Variants in ZBTB20 observed in about 807,000 individuals in gnomAD.
ZBTB20 encodes zinc finger and BTB domain-containing protein 20.
In ZBTB20, 9 loss-of-function variants were observed where a neutral mutation model predicts 56.9. The observed-to-expected ratio is 0.16, with a 90% confidence interval of 0.10 to 0.28. The LOEUF is 0.28. Ranked by LOEUF, ZBTB20 falls within the 10% of genes least tolerant of loss-of-function variation. ZBTB20 has a pLI of 1.00. For synonymous variants in ZBTB20, 417 were observed against 420.7 expected (o/e 0.99, Z 0.11); for missense variants, 655 against 1,003.0 (o/e 0.65, Z 4.69).
At chr3:114,565,915 G>C (rs571553320) in intron 6 of ZBTB20, among the ~76,000 whole-genome samples, 1 of 152,092 alleles carries the variant, frequency 6.6e-6, no homozygotes, top group South Asian at 2.1e-4. Context: ...CTCTTACAGG[G>C]AGCAAATGGA....
At chr3:114,442,680 C>G (rs1326533649) in intron 7 of ZBTB20, among the ~76,000 whole-genome samples, 2 of 152,168 alleles carry the variant, frequency 1.3e-5, no homozygotes, top group Non-Finnish European at 2.9e-5. Context: ...TGAGCACACC[C>G]TGCTGTCAGT....
chr3:114,713,445 A>G (rs1223522125), intron 5 of ZBTB20, among the ~76,000 whole-genome samples: 1 of 152,214 alleles, frequency 6.6e-6, no homozygotes, highest in Non-Finnish European at 1.5e-5. Flanking sequence ...GTAAGGCAAG[A>G]TCTACAGAAC....
chr3:114,901,335 C>T (rs374772207), intron 3 of ZBTB20, among the ~76,000 whole-genome samples: 12 of 152,104 alleles, frequency 7.9e-5, no homozygotes, highest in Admixed American at 3.3e-4. Context: ...TGAGCACAGT[C>T]GATTACAGCA....
chr3:114,577,580 T>G (rs1415778980), intron 6 of ZBTB20, among the ~76,000 whole-genome samples: 1 of 152,180 alleles, frequency 6.6e-6, no homozygotes, highest in Non-Finnish European at 1.5e-5. Flanking sequence ...CCTGCTGAAA[T>G]CTGGATCTAG....
In ZBTB20 at chr3:115,076,053, A is replaced by T. The variant is rs140910820; in HGVS notation, c.-702-4639T>A. Among the ~76,000 whole-genome samples the T allele has an allele frequency of 3.6e-4, 55 of 152,300 alleles. No individual in the cohort carries two copies. The East Asian group carries it at 0.011, about 29-fold the overall frequency. On this transcript the variant is annotated intron_variant, in intron 1 of 11. Coordinates refer to ENST00000675478, the MANE Select transcript of ZBTB20 (RefSeq NM_001348800.3). ...TAGCACCAAGAAGTATAAAATAGGA[A>T]GACAATTAAGGAGATTAAAGATTAT...
intron 3 of ZBTB20, among the ~76,000 whole-genome samples, chr3:114,914,286 T>G (rs150794515): frequency 1.3e-5 from 2 of 152,122 alleles, no homozygotes; most frequent in African/African-American, 4.8e-5. Flanking sequence ...ATTGTAGAGA[T>G]CTTTCTCTTC....
intron 1 of ZBTB20, among the ~76,000 whole-genome samples, chr3:115,123,828 T>C (rs2084249145): frequency 6.6e-6 from 1 of 152,262 alleles, no homozygotes; most frequent in South Asian, 2.1e-4. Flanking sequence ...GTGGCACTAG[T>C]ACAGGACTGA....
At chr3:114,910,410 G>C (rs563474872) in intron 3 of ZBTB20, among the ~76,000 whole-genome samples, 1 of 151,544 alleles carries the variant, frequency 6.6e-6, no homozygotes, top group Non-Finnish European at 1.5e-5. Flanking sequence ...ATAAAAATTG[G>C]ACCATAGAAA....
intron 1 of ZBTB20, among the ~76,000 whole-genome samples, chr3:115,146,188 T>C (rs1253900551): frequency 6.6e-6 from 1 of 152,226 alleles, no homozygotes; most frequent in Non-Finnish European, 1.5e-5. Flanking sequence ...TCAACCCAGT[T>C]CGGAGTGAGA....
At chr3:114,397,742 G>A (rs187510534) in intron 7 of ZBTB20, among the ~76,000 whole-genome samples, 100 of 152,142 alleles carry the variant, frequency 6.6e-4, no homozygotes, top group African/African-American at 2.1e-3. Flanking sequence ...TTTCAAACTC[G>A]CAAGTGTACA....
intron 7 of ZBTB20, among the ~76,000 whole-genome samples, chr3:114,418,743 A>G (rs528049919): frequency 3.3e-5 from 5 of 152,198 alleles, no homozygotes; most frequent in Non-Finnish European, 7.4e-5. Context: ...TCTGTGAATT[A>G]GTGTTTACTT....
intron 3 of ZBTB20, among the ~76,000 whole-genome samples, chr3:114,932,770 T>C (rs974435611): frequency 3.3e-5 from 5 of 152,178 alleles, no homozygotes; most frequent in African/African-American, 1.2e-4. Context: ...TTTGCAAAGA[T>C]AACCATCAAT....
chr3:114,682,655 A>G (rs2062053435), intron 6 of ZBTB20, among the ~76,000 whole-genome samples: 1 of 152,206 alleles, frequency 6.6e-6, no homozygotes, highest in South Asian at 2.1e-4. Context: ...CACTAACACA[A>G]AAGTCCCTTA....
chr3:114,681,373 C>T (rs955410116), intron 6 of ZBTB20, among the ~76,000 whole-genome samples: 3 of 152,012 alleles, frequency 2.0e-5, no homozygotes, highest in African/African-American at 7.3e-5. Flanking sequence ...GTTGGCTAGG[C>T]TGGTCTCAAA....
intron 6 of ZBTB20, among the ~76,000 whole-genome samples, chr3:114,553,663 C>A (rs2050845592): frequency 6.6e-6 from 1 of 152,120 alleles, no homozygotes. Context: ...ACTGAAATGA[C>A]TTAAACATAA....
At chr3:115,094,690 T>C (rs1318871350) in intron 1 of ZBTB20, among the ~76,000 whole-genome samples, 2 of 151,822 alleles carry the variant, frequency 1.3e-5, no homozygotes, top group Non-Finnish European at 2.9e-5. Context: ...ACAACAGTAA[T>C]TCACAGAAAA....
At chr3:114,721,725 G>T (rs1256478950) in intron 5 of ZBTB20, among the ~76,000 whole-genome samples, 1 of 152,108 alleles carries the variant, frequency 6.6e-6, no homozygotes, top group African/African-American at 2.4e-5. Flanking sequence ...CTAGGTACAA[G>T]GGATCTTTTG....
At chr3:114,719,004 A>G (rs1451238784) in intron 5 of ZBTB20, among the ~76,000 whole-genome samples, 1 of 151,902 alleles carries the variant, frequency 6.6e-6, no homozygotes, top group South Asian at 2.1e-4. Flanking sequence ...TCAACTAACA[A>G]TTTTGTAAAC....
At chr3:114,989,500 G>GTA (rs1375050210) in intron 2 of ZBTB20, among the ~76,000 whole-genome samples, 1 of 152,118 alleles carries the variant, frequency 6.6e-6, no homozygotes, top group East Asian at 1.9e-4. Context: ...TTTGGTTACT[G>GTA]TAGCCTTGTA....
Sources: gnomAD v4.1 joint callset for allele counts (sites outside exome capture counted in the v4.1 genomes callset) on GRCh38, gnomAD v4.1.1 for gene constraint, MANE v1.5 for transcripts, NCBI Gene and HGNC (gene_info 2026-07-23, HGNC 2026-07-21) for gene names.